The following SLC36A4 variants were observed in gnomAD, a reference collection of about 807,000 sequenced individuals.
SLC36A4 encodes neutral amino acid uniporter 4.
A neutral mutation model predicts 50.5 loss-of-function variants in SLC36A4; 49 were observed. The observed-to-expected ratio is 0.97, with a 90% confidence interval of 0.77 to 1.23. The LOEUF is 1.23. SLC36A4 is among the 50% of genes most tolerant of loss of function. The pLI is 0.00. For synonymous variants in SLC36A4, 207 were observed against 206.5 expected, an observed-to-expected ratio of 1.00 and a Z score of -0.02; for missense variants, 611 against 608.4, an observed-to-expected ratio of 1.00 and a Z score of -0.05.
At chr11:93,156,046 T>C (rs769751913) in intron 9 of SLC36A4, among the ~76,000 whole-genome samples, 1 of 152,220 alleles carries the variant, frequency 6.6e-6, no homozygotes, top group Non-Finnish European at 1.5e-5. Context: ...AAGGTATTTA[T>C]GTGTTTTTCT....
Position 93,165,729 on chromosome 11 carries a change from G to A in SLC36A4, c.867+189C>T, listed in dbSNP as rs567356792. ...GAGAAGTAGAGAGCCTAAGTGGTATGTCTAACATTAAGTTCTTTGTTAATG... is the reference window on the plus strand; with the variant it reads ...GAGAAGTAGAGAGCCTAAGTGGTATATCTAACATTAAGTTCTTTGTTAATG... On this transcript the variant is annotated intron_variant, in intron 8 of 10. Coordinates refer to ENST00000326402, the MANE Select transcript of SLC36A4 (RefSeq NM_152313.4). Among the ~76,000 whole-genome samples the A allele has an allele frequency of 4.6e-5, 7 of 152,184 alleles. No homozygotes were observed. In the East Asian group the frequency reaches 1.4e-3, roughly 29 times the overall value.
rs527282700 is a variant in SLC36A4 at position 93,144,251 on chromosome 11, G to C, written c.*4286C>G. ...AGCGTTTTTCATATTCTGTTATAAA[G>C]AAAAATGTTAAAAGAATTGACTTGA... On this transcript the variant is annotated 3_prime_UTR_variant, in exon 11 of 11. Coordinates refer to ENST00000326402, the MANE Select transcript of SLC36A4 (RefSeq NM_152313.4). The C allele has an allele frequency of 1.5e-4, 23 of 151,976 alleles. No homozygotes were observed. Among genetic ancestry groups the C allele is most frequent in the African/African-American group, 5.3e-4 (22 of 41,490 alleles). The allele number at this position is 151,976 out of a possible 1,614,324, so 9.4% of individuals were successfully genotyped here. A position where few individuals can be genotyped will look rare whatever the true frequency, so the allele number is the denominator to read the frequency against.
intron 1 of SLC36A4, among the ~76,000 whole-genome samples, chr11:93,187,596 C>T (rs1204887345): frequency 1.3e-5 from 2 of 152,142 alleles, no homozygotes; most frequent in Non-Finnish European, 1.5e-5. Flanking sequence ...TTCTCCCTTA[C>T]ATCTTGTAAT....
chr11:93,194,317 C>G (rs1862333228), intron 1 of SLC36A4, among the ~76,000 whole-genome samples: 1 of 151,868 alleles, frequency 6.6e-6, no homozygotes, highest in African/African-American at 2.4e-5. Flanking sequence ...AATAGAAAAA[C>G]TAAAAGAAAG....
At position 93,144,495 on chromosome 11, in the gene SLC36A4, TTGTG is replaced by T. The variant is rs891761728; in HGVS notation, c.*4038_*4041del. ...TATCTAGTTCACATAGATTACTGATTTGTGTGTGTGTCTGCATATACTTGTGCAC... is the reference window on the plus strand; with the variant it reads ...TATCTAGTTCACATAGATTACTGATTTGTGTGTCTGCATATACTTGTGCAC... On this transcript the variant is annotated 3_prime_UTR_variant, in exon 11 of 11. Transcript: ENST00000326402. The T allele has an allele frequency of 4.0e-4, 61 of 152,010 alleles. No individual in the cohort carries two copies. The highest frequency in any genetic ancestry group is 1.4e-3 in the African/African-American group (59 of 41,420). The allele number at this position is 152,010 out of a possible 1,614,324, so 9.4% of individuals were successfully genotyped here. A position where few individuals can be genotyped will look rare whatever the true frequency, so the allele number is the denominator to read the frequency against.
intron 1 of SLC36A4, among the ~76,000 whole-genome samples, chr11:93,186,541 T>G (rs1298263430): frequency 6.6e-6 from 1 of 152,192 alleles, no homozygotes; most frequent in Non-Finnish European, 1.5e-5. Context: ...TACTATCTTG[T>G]TTGACTGTTT....
rs372457270 is a variant in SLC36A4, at chr11:93,162,893, T to C, written c.868-18A>G. On this transcript the variant is annotated intron_variant, in intron 8 of 10. Transcript: ENST00000326402. ...GGAAGGACCTAAGAAAAGAATACAA[T>C]ACTTTTTTTTAAGGGAATACAAGTA... 21 of 1,604,368 alleles carry C rather than the reference T, an allele frequency of 1.3e-5. No individual in the cohort carries two copies. In the African/African-American group the frequency reaches 1.6e-4, roughly 12 times the overall value.
intron 10 of SLC36A4, among the ~76,000 whole-genome samples, chr11:93,149,131 G>C (rs2134621694): frequency 6.6e-6 from 1 of 152,132 alleles, no homozygotes; most frequent in South Asian, 2.1e-4. Flanking sequence ...AAGAAGTTTT[G>C]ATAGTTTATT....
At position 93,185,772 on chromosome 11, in the gene SLC36A4, T is replaced by C. The variant is rs750283537; in HGVS notation, c.98A>G (p.Asp33Gly). The C allele has an allele frequency of 6.2e-7, 1 of 1,608,636 alleles. No homozygotes were observed. Among genetic ancestry groups the C allele is most frequent in the African/African-American group, 1.3e-5 (1 of 74,700 alleles). ...MRPLINEQNF[D>G]GTSDEEHEQE... ...CTCATGTTCTTCATCTGATGTCCCATCAAAATTCTGCTCATTTATCAAGGG... is the reference window on the plus strand; with the variant it reads ...CTCATGTTCTTCATCTGATGTCCCACCAAAATTCTGCTCATTTATCAAGGG... The change falls in exon 2 of 11, where the codon GAT becomes GGT. Residue 33 changes from aspartate (D) to glycine (G), a missense_variant. By Grantham distance (94) the Asp-to-Gly change is moderately conservative. Transcript: ENST00000326402.
At chr11:93,194,410 T>C (rs1160507117) in intron 1 of SLC36A4, among the ~76,000 whole-genome samples, 1 of 152,128 alleles carries the variant, frequency 6.6e-6, no homozygotes, top group East Asian at 1.9e-4. Context: ...GAACCATTAC[T>C]ATTTTGTTCA....
intron 10 of SLC36A4, among the ~76,000 whole-genome samples, chr11:93,150,861 A>G (rs1860054537): frequency 6.6e-6 from 1 of 152,054 alleles, no homozygotes; most frequent in East Asian, 1.9e-4. Flanking sequence ...AAATATGACC[A>G]GAATCTTGCC....
intron 1 of SLC36A4, among the ~76,000 whole-genome samples, chr11:93,192,709 C>A (rs910983921): frequency 2.0e-5 from 3 of 152,074 alleles, no homozygotes; most frequent in African/African-American, 4.8e-5. Context: ...TTTACACTTA[C>A]AGCACATTTC....
At chr11:93,160,868 T>C (rs553962264) in intron 9 of SLC36A4, 4 of 652,746 alleles carry the variant, frequency 6.1e-6, no homozygotes, top group African/African-American at 5.9e-5. Context: ...TGAGACAAAA[T>C]GTCTCTCTGT....
chr11:93,153,756 T>C (rs564375548), intron 10 of SLC36A4, among the ~76,000 whole-genome samples: 1 of 152,054 alleles, frequency 6.6e-6, no homozygotes, highest in Non-Finnish European at 1.5e-5. Flanking sequence ...TGTTAAAATA[T>C]ACAAAAACAG....
chr11:93,189,065 C>CTT (rs1052134962), intron 1 of SLC36A4, among the ~76,000 whole-genome samples: 3 of 141,402 alleles, frequency 2.1e-5, no homozygotes, highest in East Asian at 2.0e-4. Context: ...AAAGCCTCAC[C>CTT]TTTTTTTTTT....
intron 7 of SLC36A4, chr11:93,166,994 G>A (rs976598575): frequency 3.5e-4 from 53 of 152,130 alleles, no homozygotes; most frequent in African/African-American, 1.2e-3. Flanking sequence ...AGCAGCTCAC[G>A]CTGTTCCTTC....
At chr11:93,158,989 C>T (rs1041393679) in intron 9 of SLC36A4, among the ~76,000 whole-genome samples, 3 of 152,078 alleles carry the variant, frequency 2.0e-5, no homozygotes, top group African/African-American at 7.2e-5. Context: ...CAGACTAATT[C>T]TTCTCTGTAT....
At chr11:93,196,908 T>C (rs901145973) in intron 1 of SLC36A4, among the ~76,000 whole-genome samples, 2 of 152,246 alleles carry the variant, frequency 1.3e-5, no homozygotes, top group African/African-American at 4.8e-5. Context: ...CTTAGCACAG[T>C]GTTTGCACAC....
At chr11:93,178,471 T>C (rs780126410) in intron 6 of SLC36A4, among the ~76,000 whole-genome samples, 83 of 152,196 alleles carry the variant, frequency 5.5e-4, no homozygotes, top group Non-Finnish European at 5.7e-4. Context: ...GTCTTCTGTG[T>C]CGCTCAAGCT....
Sources: allele counts gnomAD v4.1 joint callset (sites outside exome capture counted in the v4.1 genomes callset), GRCh38; gene constraint gnomAD v4.1.1; transcripts MANE v1.5; gene names NCBI Gene and HGNC (gene_info 2026-07-23, HGNC 2026-07-21).